The following DTX2 variants were observed in gnomAD, a reference collection of about 807,000 sequenced individuals.
DTX2 encodes the protein probable E3 ubiquitin-protein ligase DTX2.
In DTX2, 29 loss-of-function variants were observed where a neutral mutation model predicts 55.3. The ratio of observed to expected loss-of-function variants is 0.52; its 90% CI spans 0.39 to 0.71. The LOEUF (loss-of-function observed/expected upper bound fraction) is 0.71, where lower values mean the gene tolerates loss of function less well. Among genes scored for constraint, DTX2 ranks in the 30% least tolerant of loss-of-function variants. The pLI, the probability that DTX2 is intolerant of heterozygous loss-of-function variation, is 0.00. For synonymous variants in DTX2, 276 were observed against 340.4 expected, an observed-to-expected ratio of 0.81 and a Z score of 2.08; for missense variants, 537 against 822.5, an observed-to-expected ratio of 0.65 and a Z score of 4.25.
At position 76,480,520 on chromosome 7, in the gene DTX2, C is replaced by A; in HGVS notation, c.11C>A (p.Ala4Asp). Residue 4 changes from alanine (A) to aspartate (D), a missense_variant, in exon 3 of 11, where the codon GCC becomes GAC. This residue lies in a region of DTX2 where 301 missense variants were observed against 396.6 expected (regional missense o/e 0.76). Transcript: ENST00000430490. MAM[A>D]PSPSLVQVYT... ...GGACTCCTTGGGAAGATGGCCATGG[C>A]CCCAAGCCCTTCCCTGGTGCAGGTG... 1.2e-6 allele frequency: 2 copies of A among 1,602,152 alleles called. No homozygotes were observed. The highest frequency in any genetic ancestry group is 1.1e-5 in the South Asian group (1 of 89,728).
At chr7:76,480,368 C>T in intron 2 of DTX2, 53 bp from the exon 3 acceptor site, 3 of 1,108,908 alleles carry the variant, frequency 2.7e-6, no homozygotes, top group Admixed American at 3.1e-5. Context: ...GAGGCTGATT[C>T]TGCAGGGCTA....
chr7:76,482,723 A>G lies in DTX2; in HGVS notation c.484A>G (p.Thr162Ala). The change falls in exon 4 of 11, where the codon ACC becomes GCC. Residue 162 changes from threonine (T) to alanine (A), a missense_variant. Thr to Ala is a moderately conservative substitution (Grantham distance 58, BLOSUM62 0). Transcript: ENST00000430490. ...YTVNYTTHTQ[T>A]NKTSSFCRSV... ...TGTCAACTACACCACCCACACGCAG[A>G]CCAACAAGACTTCCAGCTTCTGCCG... is the stretch of plus-strand genomic sequence containing the variant. 6.2e-7 allele frequency: 1 copy of G among 1,613,842 alleles called. No individual in the cohort carries two copies. The highest frequency in any genetic ancestry group is 1.1e-5 in the South Asian group (1 of 91,074).
rs772447293 is a variant in DTX2, at chr7:76,480,558, G to A, written c.49G>A (p.Ala17Thr). 28 of 1,612,324 alleles carry A rather than the reference G, an allele frequency of 1.7e-5. No individual in the cohort carries two copies. The highest frequency in any genetic ancestry group is 2.0e-5 in the Non-Finnish European group (24 of 1,179,952). Reference protein sequence around the residue: ...PSLVQVYTSPAAVAVWEWQDG... With the variant: ...PSLVQVYTSPTAVAVWEWQDG... ...CCTGGTGCAGGTGTACACCAGCCCC[G>A]CGGCTGTGGCCGTGTGGGAATGGCA... Residue 17 changes from alanine (A) to threonine (T), a missense_variant, in exon 3 of 11, where the codon GCG becomes ACG. This residue lies in a region of DTX2 where 301 missense variants were observed against 396.6 expected (regional missense o/e 0.76). Coordinates refer to ENST00000430490, the MANE Select transcript of DTX2 (RefSeq NM_001102594.3).
intron 1 of DTX2, among the ~76,000 whole-genome samples, chr7:76,463,155 A>G (rs549150805): frequency 6.7e-6 from 1 of 150,314 alleles, no homozygotes; most frequent in Admixed American, 6.6e-5. Context: ...ACTCGAGCCT[A>G]TAATCCCAGC....
chr7:76,498,860 AGGGTGTGT>A (rs1811262546), intron 6 of DTX2, among the ~76,000 whole-genome samples: 1 of 52,922 alleles, frequency 1.9e-5, no homozygotes. Flanking sequence ...TGTGGAGGTG[AGGGTGTGT>A]GGGGTGTGTG....
chr7:76,483,106 G>T lies in DTX2; in HGVS notation c.867G>T (p.Pro289=), dbSNP rs1336590173. The change falls in exon 4 of 11, where the codon CCG becomes CCT. Residue 289 remains proline (P), a synonymous_variant. Transcript: ENST00000430490. ...GCTCCAGCCTCTCCCACCTGGGACC[G>T]CAGCACCTGCCCCCAGGATCCTCCA... is the stretch of plus-strand genomic sequence containing the variant. ...LYRSSLSHLG[P]QHLPPGSSTS... is the part of the protein sequence containing the mutation. The T allele has an allele frequency of 6.2e-7, 1 of 1,612,696 alleles. No individual in the cohort carries two copies. Among genetic ancestry groups the T allele is most frequent in the Non-Finnish European group, 8.5e-7 (1 of 1,179,718 alleles).
chr7:76,504,946 G>A (rs945715152), intron 10 of DTX2, among the ~76,000 whole-genome samples: 7 of 151,826 alleles, frequency 4.6e-5, no homozygotes, highest in Non-Finnish European at 8.8e-5. Context: ...AGCTGCTGAT[G>A]GAGCTTTGGA....
intron 4 of DTX2, among the ~76,000 whole-genome samples, chr7:76,491,717 T>G (rs1312181281): frequency 1.8e-5 from 2 of 113,338 alleles, no homozygotes; most frequent in Admixed American, 9.0e-5. Flanking sequence ...AGGGTCTCAC[T>G]CTGTCGCCCA....
At chr7:76,498,746 C>A (rs1163947234) in intron 6 of DTX2, among the ~76,000 whole-genome samples, 1 of 74,920 alleles carries the variant, frequency 1.3e-5, no homozygotes, top group African/African-American at 7.5e-5. Context: ...TCGTTCTGGT[C>A]TGGCGTTCTC....
intron 2 of DTX2, among the ~76,000 whole-genome samples, chr7:76,472,973 T>C (rs1808121353): frequency 6.6e-6 from 1 of 152,140 alleles, no homozygotes; most frequent in Non-Finnish European, 1.5e-5. Flanking sequence ...TTGATACATA[T>C]ATTACCAAAT....
intron 2 of DTX2, among the ~76,000 whole-genome samples, chr7:76,474,363 A>C (rs527862065): frequency 2.0e-5 from 3 of 151,974 alleles, no homozygotes; most frequent in African/African-American, 7.2e-5. Flanking sequence ...CCTGTTTTAC[A>C]TGTTGACGGA....
intron 4 of DTX2, among the ~76,000 whole-genome samples, chr7:76,486,839 T>C (rs2116444324): frequency 1.7e-5 from 1 of 59,552 alleles, no homozygotes; most frequent in African/African-American, 8.3e-5. Context: ...GGCTTTCTGT[T>C]GTGGTGGGCT....
chr7:76,482,802 C>T lies in DTX2; in HGVS notation c.563C>T (p.Pro188Leu), dbSNP rs372256230. Residue 188 changes from proline (P) to leucine (L), a missense_variant, in exon 4 of 11, where the codon CCG becomes CTG. Coordinates refer to ENST00000430490, the MANE Select transcript of DTX2 (RefSeq NM_001102594.3). ...PPYPVTTIIA[P>L]PGHTGVACSC... is the part of the protein sequence containing the mutation. Reference sequence around the variant, plus strand: ...TACCCGGTGACCACCATCATCGCTCCGCCGGGCCACACAGGCGTCGCCTGC... The same window carrying T: ...TACCCGGTGACCACCATCATCGCTCTGCCGGGCCACACAGGCGTCGCCTGC... 4.8e-4 allele frequency: 771 copies of T among 1,613,670 alleles called. 2 individuals carry two copies. Among genetic ancestry groups the T allele is most frequent in the Non-Finnish European group, 6.2e-4 (732 of 1,179,802 alleles).
chr7:76,505,304 G>C lies in DTX2; in HGVS notation c.1642-70G>C. The C allele has an allele frequency of 7.6e-7, 1 of 1,308,582 alleles. No individual in the cohort carries two copies. Among genetic ancestry groups the C allele is most frequent in the South Asian group, 1.3e-5 (1 of 74,362 alleles). The allele number at this position is 1,308,582 out of a possible 1,614,324, so 81.1% of individuals were successfully genotyped here. A position where few individuals can be genotyped will look rare whatever the true frequency, so the allele number is the denominator to read the frequency against. On this transcript the variant is annotated intron_variant, in intron 10 of 10. Transcript: ENST00000430490. This position sits in a 1 kb window ranked among gnomAD's most constrained non-coding sequence, Gnocchi z 4.4. Reference sequence around the variant, plus strand: ...GATGGGAAGAACATGGTGCCAACCCGTGCCTGCTCACTGAGCCCCTCTCAC... The same window carrying C: ...GATGGGAAGAACATGGTGCCAACCCCTGCCTGCTCACTGAGCCCCTCTCAC...
At chr7:76,481,286 A>G (rs1345661515) in intron 3 of DTX2, among the ~76,000 whole-genome samples, 1 of 151,796 alleles carries the variant, frequency 6.6e-6, no homozygotes, top group Non-Finnish European at 1.5e-5. Context: ...TCCTGGGTTC[A>G]AGCGATTCTC....
At chr7:76,487,194 A>C (rs1344743111) in intron 4 of DTX2, among the ~76,000 whole-genome samples, 1 of 44,660 alleles carries the variant, frequency 2.2e-5, no homozygotes, top group Non-Finnish European at 4.4e-5. Flanking sequence ...AGTGGCCAGG[A>C]CTACAGGCTT....
At chr7:76,497,865 C>T (rs1430778380) in intron 6 of DTX2, among the ~76,000 whole-genome samples, 4 of 150,778 alleles carry the variant, frequency 2.7e-5, no homozygotes, top group African/African-American at 9.8e-5. Flanking sequence ...GGTCTGCTGC[C>T]CAGGTCTGCT....
chr7:76,486,884 C>CTTT (rs371602656), intron 4 of DTX2, among the ~76,000 whole-genome samples: 5,330 of 149,174 alleles, frequency 0.036, 43 homozygotes, highest in East Asian at 0.086. Context: ...GCTGCTGCTG[C>CTTT]TGCCCTTGCC....
At chr7:76,469,916 G>A (rs1221561615) in intron 2 of DTX2, among the ~76,000 whole-genome samples, 3 of 149,206 alleles carry the variant, frequency 2.0e-5, no homozygotes, top group Non-Finnish European at 3.0e-5. Flanking sequence ...GAAATATCCC[G>A]CTTCCCCAGT....
Sources: allele counts gnomAD v4.1 joint callset (sites outside exome capture counted in the v4.1 genomes callset), GRCh38; gene constraint gnomAD v4.1.1; regional missense constraint gnomAD v4.1.1; non-coding constraint Gnocchi (gnomAD v3.1); transcripts MANE v1.5; gene names NCBI Gene and HGNC (gene_info 2026-07-23, HGNC 2026-07-21).